The following SEMA3E variants were observed in gnomAD, a reference collection of about 807,000 sequenced individuals.
SEMA3E encodes semaphorin 3E, also known as semaphorin-3E.
A neutral mutation model predicts 93.6 loss-of-function variants in SEMA3E; 49 were observed. The ratio of observed to expected loss-of-function variants is 0.52; its 90% confidence interval spans 0.42 to 0.66. The LOEUF is 0.66. Among genes scored for constraint, SEMA3E ranks in the 30% least tolerant of loss-of-function variants. SEMA3E has a pLI of 0.00. For synonymous variants in SEMA3E, 363 were observed against 330.7 expected, an observed-to-expected ratio of 1.10 and a Z score of -1.06; for missense variants, 906 against 964.8, an observed-to-expected ratio of 0.94 and a Z score of 0.81.
At chr7:83,547,187 T>G (rs1454459655) in intron 1 of SEMA3E, among the ~76,000 whole-genome samples, 1 of 152,170 alleles carries the variant, frequency 6.6e-6, no homozygotes, top group Non-Finnish European at 1.5e-5. Context: ...ATTATAATTT[T>G]ATTTCTGAAT....
At chr7:83,507,809 G>T (rs1790735697) in intron 1 of SEMA3E, among the ~76,000 whole-genome samples, 1 of 151,882 alleles carries the variant, frequency 6.6e-6, no homozygotes. Flanking sequence ...AAAAATGCCA[G>T]GCATGGTGGT....
intron 1 of SEMA3E, among the ~76,000 whole-genome samples, chr7:83,532,124 A>T (rs1791316075): frequency 6.6e-6 from 1 of 152,210 alleles, no homozygotes; most frequent in South Asian, 2.1e-4. Flanking sequence ...ACATTAAAAA[A>T]ATTAGGAATC....
chr7:83,630,745 C>G (rs960406292), intron 1 of SEMA3E, among the ~76,000 whole-genome samples: 14 of 152,008 alleles, frequency 9.2e-5, no homozygotes, highest in African/African-American at 1.7e-4. Flanking sequence ...AATTCCAAGA[C>G]AGTATAAGCA....
chr7:83,394,787 T>C (rs1446715493), intron 12 of SEMA3E, among the ~76,000 whole-genome samples: 1 of 152,220 alleles, frequency 6.6e-6, no homozygotes, highest in Non-Finnish European at 1.5e-5. Flanking sequence ...AATATTTTTC[T>C]GTTGGAGTGA....
At chr7:83,481,364 A>G (rs186913898) in intron 2 of SEMA3E, among the ~76,000 whole-genome samples, 4 of 152,222 alleles carry the variant, frequency 2.6e-5, no homozygotes, top group Admixed American at 2.6e-4. Context: ...AGAAAGCAAA[A>G]TAAATAAATA....
At chr7:83,515,554 C>T (rs1790909571) in intron 1 of SEMA3E, among the ~76,000 whole-genome samples, 1 of 152,122 alleles carries the variant, frequency 6.6e-6, no homozygotes, top group Admixed American at 6.6e-5. Flanking sequence ...TTCCAAAAGT[C>T]CACAGATTGC....
intron 4 of SEMA3E, among the ~76,000 whole-genome samples, chr7:83,442,746 C>T (rs1299676423): frequency 6.6e-6 from 1 of 152,090 alleles, no homozygotes; most frequent in Non-Finnish European, 1.5e-5. Flanking sequence ...CGTGTTTTCA[C>T]TCAGTCCCCT....
At chr7:83,509,675 T>G (rs762358302) in intron 1 of SEMA3E, among the ~76,000 whole-genome samples, 1 of 152,214 alleles carries the variant, frequency 6.6e-6, no homozygotes, top group Non-Finnish European at 1.5e-5. Context: ...GGTTGCACAT[T>G]GGAATCTCCT....
At chr7:83,587,005 G>A (rs553631596) in intron 1 of SEMA3E, among the ~76,000 whole-genome samples, 2 of 152,192 alleles carry the variant, frequency 1.3e-5, no homozygotes, top group South Asian at 4.1e-4. Flanking sequence ...GTAAAATAAA[G>A]GTTAGAATAG....
intron 4 of SEMA3E, among the ~76,000 whole-genome samples, chr7:83,432,333 G>T (rs962917976): frequency 6.6e-6 from 1 of 151,742 alleles, no homozygotes; most frequent in Non-Finnish European, 1.5e-5. Context: ...TTACTTAGAG[G>T]TAGTTATTAC....
At chr7:83,509,273 T>A (rs1247898636) in intron 1 of SEMA3E, among the ~76,000 whole-genome samples, 1 of 152,048 alleles carries the variant, frequency 6.6e-6, no homozygotes, top group Non-Finnish European at 1.5e-5. Context: ...GAGGATAATA[T>A]TAGGTGAGGG....
At chr7:83,434,993 G>A (rs542018773) in intron 4 of SEMA3E, among the ~76,000 whole-genome samples, 23 of 152,126 alleles carry the variant, frequency 1.5e-4, no homozygotes, top group Admixed American at 7.9e-4. Context: ...GATTACAGGC[G>A]TGAGCCACCG....
intron 1 of SEMA3E, among the ~76,000 whole-genome samples, chr7:83,553,588 A>C (rs562131322): frequency 1.3e-5 from 2 of 152,138 alleles, no homozygotes; most frequent in African/African-American, 2.4e-5. Flanking sequence ...TAATCAATAC[A>C]TGCTTGTTGA....
chr7:83,639,399 T>G (rs1362823187), intron 1 of SEMA3E, among the ~76,000 whole-genome samples: 3 of 151,912 alleles, frequency 2.0e-5, no homozygotes, highest in Non-Finnish European at 4.4e-5. Flanking sequence ...AAAATAAAGT[T>G]AGCCTTTATA....
chr7:83,396,514 A>G, intron 12 of SEMA3E, 124 bp downstream of exon 12: 1 of 637,128 alleles, frequency 1.6e-6, no homozygotes, highest in Non-Finnish European at 2.8e-6. Context: ...TTCTTCACTT[A>G]TATTAGCTCT....
chr7:83,592,633 T>A (rs1458302885), intron 1 of SEMA3E, among the ~76,000 whole-genome samples: 1 of 152,164 alleles, frequency 6.6e-6, no homozygotes, highest in Non-Finnish European at 1.5e-5. Flanking sequence ...CAATTTGCTA[T>A]GCAAGAGGAC....
intron 14 of SEMA3E, among the ~76,000 whole-genome samples, chr7:83,388,842 T>C (rs1438637182): frequency 2.0e-5 from 3 of 149,302 alleles, no homozygotes; most frequent in Non-Finnish European, 4.4e-5. Context: ...GTGTCCTTAC[T>C]GTCTCTAAAT....
intron 1 of SEMA3E, among the ~76,000 whole-genome samples, chr7:83,519,982 T>C (rs553368892): frequency 6.6e-6 from 1 of 152,108 alleles, no homozygotes; most frequent in Non-Finnish European, 1.5e-5. Context: ...ATCTAAAGCT[T>C]GTCACATCAT....
At chr7:83,392,066 TCA>T (rs1788029233) in intron 14 of SEMA3E, among the ~76,000 whole-genome samples, 1 of 152,150 alleles carries the variant, frequency 6.6e-6, no homozygotes, top group Non-Finnish European at 1.5e-5. Context: ...GGCAATGACC[TCA>T]CAGAATTGTA....
Sources: gnomAD v4.1 joint callset for allele counts (sites outside exome capture counted in the v4.1 genomes callset) on GRCh38, gnomAD v4.1.1 for gene constraint, MANE v1.5 for transcripts, NCBI Gene and HGNC (gene_info 2026-07-23, HGNC 2026-07-21) for gene names.